CCDC160: variants seen among roughly 807,000 people sequenced by gnomAD.
CCDC160 encodes the protein coiled-coil domain-containing protein 160.
For missense variants in CCDC160, 227 were observed against 215.6 expected (o/e 1.05, Z -0.33); for synonymous variants, 94 against 79.4 (o/e 1.18, Z -0.98).
At chrX:134,238,367 C>CTTT (rs1161935568) in intron 1 of CCDC160, among the ~76,000 whole-genome samples, 181 of 75,425 alleles carry the variant, frequency 2.4e-3, no homozygotes, top group Non-Finnish European at 3.5e-3. Flanking sequence ...TATCACTTGT[C>CTTT]TTTTTTTTTT....
chrX:134,238,394 G>A (rs1296446336), intron 1 of CCDC160, among the ~76,000 whole-genome samples: 1 of 93,361 alleles, frequency 1.1e-5, no homozygotes, highest in Non-Finnish European at 2.1e-5. Context: ...TTTTTTTGAG[G>A]CGGAGTCTTG....
chrX:134,243,443 GC>G, intron 1 of CCDC160: 2 of 470,386 alleles, frequency 4.3e-6, no homozygotes, highest in Non-Finnish European at 5.3e-6. Flanking sequence ...TTCCTTCATT[GC>G]TCATAGTAAG....
intron 1 of CCDC160, among the ~76,000 whole-genome samples, chrX:134,242,023 G>A (rs1156458334): frequency 9.0e-6 from 1 of 111,035 alleles, no homozygotes; most frequent in Non-Finnish European, 1.9e-5. Flanking sequence ...CTTTTACCCC[G>A]AGTCTGGGAT....
At chrX:134,244,631 C>A in intron 1 of CCDC160, 146 bp from the exon 3 acceptor site, 1 of 483,130 alleles carries the variant, frequency 2.1e-6, no homozygotes, top group Non-Finnish European at 3.2e-6. Flanking sequence ...GGGACTGAGG[C>A]CCAAGCCATT....
At chrX:134,240,534 G>GA (rs1380307833) in intron 1 of CCDC160, among the ~76,000 whole-genome samples, 1 of 110,218 alleles carries the variant, frequency 9.1e-6, no homozygotes, top group Non-Finnish European at 1.9e-5. Flanking sequence ...TGTGAGATGG[G>GA]AAAGAGCCTT....
At position 134,243,213 on chromosome X, in the gene CCDC160, C is replaced by T. The variant is rs149654430; in HGVS notation, c.-24-1564C>T. 58 of 152,805 alleles carry T rather than the reference C, an allele frequency of 3.8e-4. 5 individuals are homozygous for T. The East Asian group carries it at 6.3e-3, about 16-fold the overall frequency. 12.6% of individuals were successfully genotyped at this position (152,805 alleles called of 1,213,427 possible). The stretch of plus-strand genomic sequence containing the variant: ...GAGTTTATCATTGTGGTCTGATTGA[C>T]CTCAAGAAAGCTTGGCTTCTGGCTT... On this transcript the variant is annotated intron_variant, in intron 1 of 1. Transcript: ENST00000370809.
At chrX:134,245,577 A>G in exon 2 of CCDC160, 1 of 1,204,661 alleles carries the variant, frequency 8.3e-7, no homozygotes, top group Non-Finnish European at 1.1e-6. Flanking sequence ...ATGTGCTCCT[A>G]AAAGAAGAAA....
At chrX:134,246,004 A>AGTGTGTGT (rs201689931), downstream of CCDC160, 6,146 of 199,201 alleles carry the variant, frequency 0.031, 119 homozygotes, top group East Asian at 0.084. Context: ...CTCATATCAG[A>AGTGTGTGT]GTGTGTGTGT....
At chrX:134,239,100 ATTTT>A (rs770860288) in intron 1 of CCDC160, among the ~76,000 whole-genome samples, 1 of 111,886 alleles carries the variant, frequency 8.9e-6, no homozygotes, top group African/African-American at 3.3e-5. Context: ...GTCAAAAAAA[ATTTT>A]TTTTAAACTA....
At chrX:134,242,551 G>A (rs2077030450) in intron 1 of CCDC160, among the ~76,000 whole-genome samples, 1 of 107,392 alleles carries the variant, frequency 9.3e-6, no homozygotes, top group African/African-American at 3.4e-5. Flanking sequence ...AAGAGAGACA[G>A]TGAAAATTAA....
chrX:134,245,610 AATGGCAAAGATCCGCGGAGAG>A, exon 2 of CCDC160: 1 of 1,208,922 alleles, frequency 8.3e-7, no homozygotes, highest in Non-Finnish European at 1.1e-6. Context: ...ATGAATTAGA[AATGGCAAAGATCCGCGGAGAG>A]CTCAGTGTCA....
chrX:134,243,467 T>C lies in CCDC160; in HGVS notation c.-24-1310T>C, dbSNP rs956324064. 2.1e-4 allele frequency: 72 copies of C among 341,205 alleles called. 1 individual carries two copies. The highest frequency in any genetic ancestry group is 1.5e-3 in the African/African-American group (51 of 35,159). 28.1% of individuals were successfully genotyped at this position (341,205 alleles called of 1,213,427 possible). On this transcript the variant is annotated intron_variant, in intron 1 of 1. Transcript: ENST00000370809. ...TGCTCATAGTAAGGAAAACCTGTGTTATTTAAAAATAAACTACTGTTTGTA... is the reference window on the plus strand; with the variant it reads ...TGCTCATAGTAAGGAAAACCTGTGTCATTTAAAAATAAACTACTGTTTGTA...
intron 1 of CCDC160, among the ~76,000 whole-genome samples, chrX:134,238,252 G>A (rs1237066229): frequency 1.8e-5 from 2 of 110,850 alleles, no homozygotes; most frequent in Non-Finnish European, 3.8e-5. Context: ...CTTGGGGAAG[G>A]AAGACTTAGT....
downstream of CCDC160, among the ~76,000 whole-genome samples, chrX:134,246,381 A>G (rs1240770930): frequency 9.0e-6 from 1 of 111,464 alleles, no homozygotes; most frequent in Non-Finnish European, 1.9e-5. Flanking sequence ...TGACCTGGCC[A>G]CGGTTCCCAT....
intron 1 of CCDC160, chrX:134,243,390 G>A (rs1462851664): frequency 2.7e-6 from 2 of 733,683 alleles, no homozygotes; most frequent in Non-Finnish European, 3.2e-6. Context: ...TGGGGAAAAG[G>A]GGAGAGGAGA....
chrX:134,242,563 A>ATG (rs749215004), intron 1 of CCDC160, among the ~76,000 whole-genome samples: 66 of 104,820 alleles, frequency 6.3e-4, no homozygotes, highest in East Asian at 1.9e-3. Flanking sequence ...GAAAATTAAA[A>ATG]AGTGTGTGTG....
intron 1 of CCDC160, among the ~76,000 whole-genome samples, chrX:134,238,519 C>T (rs1426554946): frequency 3.7e-5 from 4 of 108,489 alleles, no homozygotes; most frequent in Non-Finnish European, 5.7e-5. Context: ...ATTACAGGCG[C>T]GTGCCACCAC....
exon 2 of CCDC160, chrX:134,244,780 T>C: frequency 2.6e-6 from 3 of 1,146,378 alleles, no homozygotes; most frequent in Non-Finnish European, 3.5e-6. Flanking sequence ...TTTTCAGATA[T>C]TGGAAGAGGT....
chrX:134,243,108 T>TA (rs755898685), intron 1 of CCDC160, among the ~76,000 whole-genome samples: 1 of 111,900 alleles, frequency 8.9e-6, no homozygotes, highest in East Asian at 2.8e-4. Context: ...ACTCGTGGAA[T>TA]AATGAAAGTC....
Sources: gnomAD v4.1 joint callset for allele counts (sites outside exome capture counted in the v4.1 genomes callset) on GRCh38, gnomAD v4.1.1 for gene constraint, MANE v1.5 for transcripts, NCBI Gene and HGNC (gene_info 2026-07-23, HGNC 2026-07-21) for gene names.